Variants in PHF21A observed in about 807,000 individuals in gnomAD.
The protein encoded by PHF21A is BHC80a.
Under a neutral mutation model 82.5 loss-of-function variants are expected in PHF21A, and 11 were observed. That is an observed-to-expected ratio of 0.13 (90% CI 0.08 to 0.22). PHF21A has a LOEUF of 0.22. Among genes scored for constraint, PHF21A ranks in the 10% least tolerant of loss-of-function variants. The pLI is 1.00. For synonymous variants in PHF21A, 297 were observed against 302.8 expected (o/e 0.98, Z 0.20); for missense variants, 579 against 837.8 (o/e 0.69, Z 3.81).
At chr11:46,065,948 G>A (rs998838265) in intron 6 of PHF21A, among the ~76,000 whole-genome samples, 1 of 152,224 alleles carries the variant, frequency 6.6e-6, no homozygotes, top group African/African-American at 2.4e-5. Context: ...TATGCCATGA[G>A]ATGTTAGGGC....
chr11:45,945,822 T>A lies in PHF21A; in HGVS notation c.1452+18A>T. 2 of 1,554,900 alleles carry A rather than the reference T, an allele frequency of 1.3e-6. No homozygotes were observed. The highest frequency in any genetic ancestry group is 1.7e-6 in the Non-Finnish European group (2 of 1,153,444). On this transcript the variant is annotated intron_variant, in intron 15 of 18. Coordinates refer to ENST00000676320, the MANE Select transcript of PHF21A (RefSeq NM_001352027.3). Reference sequence around the variant, plus strand: ...TTAAGCTCTCAGAAAGACAGTGTGCTTTTCCCAAGTTACTTACGTCTGTGG... The same window carrying A: ...TTAAGCTCTCAGAAAGACAGTGTGCATTTCCCAAGTTACTTACGTCTGTGG...
At position 46,041,112 on chromosome 11, in the gene PHF21A, T is replaced by A. The variant is rs941692339; in HGVS notation, c.153+35642A>T. ...ATGCATGGACTTCTTTCTCTTTTTT[T>A]AAACATGTATAAAAATCCACCTTCT... is the stretch of plus-strand genomic sequence containing the variant. On this transcript the variant is annotated intron_variant, in intron 6 of 18. Coordinates refer to ENST00000676320, the MANE Select transcript of PHF21A (RefSeq NM_001352027.3). Among the ~76,000 whole-genome samples the A allele has an allele frequency of 3.6e-4, 55 of 152,146 alleles. 1 individual carries two copies.
intron 6 of PHF21A, among the ~76,000 whole-genome samples, chr11:46,017,666 T>C (rs1592045997): frequency 6.6e-6 from 1 of 152,126 alleles, no homozygotes; most frequent in African/African-American, 2.4e-5. Context: ...TAATATTTTC[T>C]TCCAAATTTC....
chr11:45,951,577 A>T (rs565674319), intron 11 of PHF21A, among the ~76,000 whole-genome samples: 2 of 152,330 alleles, frequency 1.3e-5, no homozygotes, highest in East Asian at 3.9e-4. Flanking sequence ...TTGCCAACTA[A>T]CTACATTCCT....
chr11:45,939,771 C>CAAAAAAA (rs56931455), intron 15 of PHF21A, among the ~76,000 whole-genome samples: 1 of 60,382 alleles, frequency 1.7e-5, no homozygotes, highest in Non-Finnish European at 3.1e-5. Flanking sequence ...GAACATAGCC[C>CAAAAAAA]AAAAAAAAAA....
At chr11:46,113,558 G>A (rs1036202643) in intron 1 of PHF21A, among the ~76,000 whole-genome samples, 11 of 152,132 alleles carry the variant, frequency 7.2e-5, no homozygotes, top group African/African-American at 2.7e-4. Context: ...GGCCGGGCGC[G>A]GTGGCTCACG....
At chr11:45,975,773 C>T (rs917020926) in intron 7 of PHF21A, among the ~76,000 whole-genome samples, 2 of 152,138 alleles carry the variant, frequency 1.3e-5, no homozygotes, top group Non-Finnish European at 2.9e-5. Context: ...TTCCCATTCC[C>T]TCTCCCAAAA....
At chr11:45,975,267 T>C (rs2093968307) in intron 7 of PHF21A, among the ~76,000 whole-genome samples, 1 of 151,478 alleles carries the variant, frequency 6.6e-6, no homozygotes. Context: ...TGAACCGTAA[T>C]TGCACCATTG....
intron 6 of PHF21A, among the ~76,000 whole-genome samples, chr11:46,021,842 C>T (rs2095638773): frequency 6.6e-6 from 1 of 152,168 alleles, no homozygotes; most frequent in Admixed American, 6.5e-5. Flanking sequence ...GCATGAGCCA[C>T]CATGCCTGGC....
At chr11:45,983,305 A>C (rs913217920) in intron 6 of PHF21A, among the ~76,000 whole-genome samples, 1 of 148,484 alleles carries the variant, frequency 6.7e-6, no homozygotes, top group Non-Finnish European at 1.5e-5. Flanking sequence ...GAGAGGAGGG[A>C]AAAAAAAAAG....
At chr11:45,958,046 C>T (rs1001714021) in intron 10 of PHF21A, among the ~76,000 whole-genome samples, 3 of 151,988 alleles carry the variant, frequency 2.0e-5, no homozygotes, top group Admixed American at 6.6e-5. Context: ...TAAAAACACA[C>T]ACATTACCAA....
intron 3 of PHF21A, among the ~76,000 whole-genome samples, chr11:46,089,103 T>C (rs2096891700): frequency 6.6e-6 from 1 of 152,186 alleles, no homozygotes; most frequent in Non-Finnish European, 1.5e-5. Flanking sequence ...CATGCATTTA[T>C]TTGGTGTGAA....
chr11:46,092,673 T>C (rs1359978318), intron 1 of PHF21A, among the ~76,000 whole-genome samples: 3 of 152,070 alleles, frequency 2.0e-5, no homozygotes, highest in African/African-American at 7.2e-5. Context: ...TTGCCTTATA[T>C]AAGGCTTTAA....
intron 6 of PHF21A, among the ~76,000 whole-genome samples, chr11:46,028,118 G>C (rs2095789341): frequency 6.6e-6 from 1 of 151,522 alleles, no homozygotes; most frequent in Non-Finnish European, 1.5e-5. Context: ...GGATGGGCTT[G>C]AGGGGATACA....
intron 7 of PHF21A, among the ~76,000 whole-genome samples, chr11:45,975,332 TAAAATA>T (rs1349228869): frequency 1.2e-5 from 1 of 82,078 alleles, no homozygotes; most frequent in African/African-American, 5.8e-5. Context: ...CAAAATAAAA[TAAAATA>T]AAATAAAATA....
chr11:46,028,347 T>C (rs973817305), intron 6 of PHF21A, among the ~76,000 whole-genome samples: 2 of 152,124 alleles, frequency 1.3e-5, no homozygotes, highest in African/African-American at 2.4e-5. Context: ...AAAATGTTAA[T>C]AGTTGAGTGT....
chr11:45,994,837 C>T (rs2094847329), intron 6 of PHF21A, among the ~76,000 whole-genome samples: 2 of 152,216 alleles, frequency 1.3e-5, no homozygotes, highest in Admixed American at 1.3e-4. Flanking sequence ...ACACTAGTAA[C>T]AGTTTGTCTA....
At chr11:45,983,343 G>A (rs2094376872) in intron 6 of PHF21A, among the ~76,000 whole-genome samples, 1 of 152,108 alleles carries the variant, frequency 6.6e-6, no homozygotes, top group Non-Finnish European at 1.5e-5. Flanking sequence ...CTGCATTACA[G>A]GTCAGATCAT....
At chr11:46,104,661 GTAA>G (rs2097134788) in intron 1 of PHF21A, among the ~76,000 whole-genome samples, 1 of 152,134 alleles carries the variant, frequency 6.6e-6, no homozygotes. Flanking sequence ...TAGTGGGACT[GTAA>G]TAATAACAAT....
Sources: gnomAD v4.1 joint callset for allele counts (sites outside exome capture counted in the v4.1 genomes callset) on GRCh38, gnomAD v4.1.1 for gene constraint, MANE v1.5 for transcripts, NCBI Gene and HGNC (gene_info 2026-07-23, HGNC 2026-07-21) for gene names.